The following CADM2 variants were observed in gnomAD, a reference collection of about 807,000 sequenced individuals.
CADM2 encodes immunoglobulin superfamily member 4D.
In CADM2, 12 loss-of-function variants were observed where a neutral mutation model predicts 49.8. The observed-to-expected ratio is 0.24, with a 90% confidence interval of 0.15 to 0.39. The LOEUF (loss-of-function observed/expected upper bound fraction) is 0.39, where lower values mean the gene tolerates loss of function less well. CADM2 is among the 10% of genes least tolerant of loss of function. The pLI is 1.00. For synonymous variants in CADM2, 214 were observed against 175.4 expected (o/e 1.22, Z -1.74); for missense variants, 378 against 492.3 (o/e 0.77, Z 2.20).
At chr3:85,705,865 A>AT (rs1403177154) in intron 1 of CADM2, among the ~76,000 whole-genome samples, 1 of 152,236 alleles carries the variant, frequency 6.6e-6, no homozygotes, top group East Asian at 1.9e-4. Context: ...ACCGTTTAAT[A>AT]TTTTTTGTAG....
intron 1 of CADM2, among the ~76,000 whole-genome samples, chr3:85,473,667 C>T (rs1464678639): frequency 6.6e-6 from 1 of 152,046 alleles, no homozygotes; most frequent in Non-Finnish European, 1.5e-5. Flanking sequence ...CAAATAACAG[C>T]AACTTCATTA....
intron 1 of CADM2, among the ~76,000 whole-genome samples, chr3:85,562,278 G>A (rs1431806257): frequency 6.6e-6 from 1 of 151,774 alleles, no homozygotes; most frequent in Admixed American, 6.6e-5. Flanking sequence ...TCGGGAGTTC[G>A]AGACCAGCCT....
At chr3:84,995,490 AT>A in intron 1 of CADM2, among the ~76,000 whole-genome samples, 1 of 152,328 alleles carries the variant, frequency 6.6e-6, no homozygotes, top group African/African-American at 2.4e-5. Flanking sequence ...AGAAGCTTTA[AT>A]TTGGATTTGA....
chr3:85,994,556 C>T (rs1019661746), intron 8 of CADM2: 1 of 152,216 alleles, frequency 6.6e-6, no homozygotes, highest in African/African-American at 2.4e-5. Context: ...TAGCTTTCAG[C>T]CTCTCGTGGC....
At chr3:85,259,002 T>C (rs1171663227) in intron 1 of CADM2, among the ~76,000 whole-genome samples, 1 of 152,158 alleles carries the variant, frequency 6.6e-6, no homozygotes, top group African/African-American at 2.4e-5. Flanking sequence ...GGAAACTTTC[T>C]ATTCAATGAG....
chr3:85,907,156 A>G (rs867337368), intron 5 of CADM2, among the ~76,000 whole-genome samples: 68 of 152,310 alleles, frequency 4.5e-4, no homozygotes, highest in African/African-American at 1.5e-3. Flanking sequence ...TCTGTTCTCT[A>G]TGAGATGAGG....
chr3:85,909,130 A>T (rs1487975235), intron 5 of CADM2, among the ~76,000 whole-genome samples: 2 of 152,086 alleles, frequency 1.3e-5, no homozygotes, highest in African/African-American at 4.8e-5. Flanking sequence ...ACCGCTTTTG[A>T]TGTAGAGCAT....
rs558347870 is a variant in CADM2, at chr3:85,166,641, A to G, written c.61+206973A>G. Among the ~76,000 whole-genome samples, 14 of 152,088 alleles carry G rather than the reference A, an allele frequency of 9.2e-5. No individual in the cohort carries two copies. In the South Asian group the frequency reaches 2.7e-3, roughly 29 times the overall value. Reference sequence around the variant, plus strand: ...GATTTGGAGAAAGTATTAAAAGACTATTTAGAAAGCTTAAATTCTTCTAAA... The same window carrying G: ...GATTTGGAGAAAGTATTAAAAGACTGTTTAGAAAGCTTAAATTCTTCTAAA... On this transcript the variant is annotated intron_variant, in intron 1 of 9. Transcript: ENST00000383699.
At chr3:85,654,719 T>C (rs1670723985) in intron 1 of CADM2, among the ~76,000 whole-genome samples, 1 of 152,208 alleles carries the variant, frequency 6.6e-6, no homozygotes, top group South Asian at 2.1e-4. Context: ...TCCCCATGCA[T>C]ATTTTTTGTC....
chr3:85,836,898 T>A (rs1035560169), intron 3 of CADM2, among the ~76,000 whole-genome samples: 3 of 151,628 alleles, frequency 2.0e-5, no homozygotes, highest in African/African-American at 4.8e-5. Context: ...ATAGTTCAGA[T>A]AACAGGCAAA....
chr3:85,425,625 T>A (rs902040986), intron 1 of CADM2, among the ~76,000 whole-genome samples: 1 of 152,210 alleles, frequency 6.6e-6, no homozygotes, highest in South Asian at 2.1e-4. Context: ...TAATTTTATA[T>A]CCATTAACTT....
chr3:85,068,328 C>T (rs2036595950), intron 1 of CADM2, among the ~76,000 whole-genome samples: 1 of 152,122 alleles, frequency 6.6e-6, no homozygotes, highest in South Asian at 2.1e-4. Flanking sequence ...GAAATGCACA[C>T]TGATGAAACT....
At chr3:85,594,444 G>A (rs2063189193) in intron 1 of CADM2, among the ~76,000 whole-genome samples, 1 of 151,762 alleles carries the variant, frequency 6.6e-6, no homozygotes, top group Admixed American at 6.6e-5. Flanking sequence ...ATGTTTTGGG[G>A]TGGAAAGAGC....
At chr3:85,251,045 G>T (rs1331016692) in intron 1 of CADM2, among the ~76,000 whole-genome samples, 1 of 151,396 alleles carries the variant, frequency 6.6e-6, no homozygotes, top group Non-Finnish European at 1.5e-5. Flanking sequence ...TTGAAGTTTT[G>T]GCATTTAATT....
intron 1 of CADM2, among the ~76,000 whole-genome samples, chr3:85,692,951 C>A (rs545558733): frequency 2.6e-5 from 4 of 152,020 alleles, no homozygotes; most frequent in Non-Finnish European, 1.5e-5. Flanking sequence ...AGAAGGAGGC[C>A]GGGCGGAGTG....
At chr3:85,982,989 G>A (rs914471705) in intron 8 of CADM2, among the ~76,000 whole-genome samples, 8 of 151,608 alleles carry the variant, frequency 5.3e-5, no homozygotes, top group African/African-American at 1.7e-4. Context: ...ATAAACTATA[G>A]CATTTATCTC....
Position 86,064,032 on chromosome 3 carries a change from A to G in CADM2, c.971-1573A>G, listed in dbSNP as rs181558086. Among the ~76,000 whole-genome samples the G allele has an allele frequency of 2.1e-3, 306 of 147,322 alleles. 1 individual carries two copies. Among genetic ancestry groups the G allele is most frequent in the African/African-American group, 6.8e-3 (271 of 40,052 alleles). ...GTCTGGGTATTCTTTTGACCTTTTC[A>G]CTTCTTTTTTTTTAATATATATATA... On this transcript the variant is annotated intron_variant, in intron 8 of 9. Coordinates refer to ENST00000383699, the MANE Select transcript of CADM2 (RefSeq NM_001167675.2).
intron 1 of CADM2, among the ~76,000 whole-genome samples, chr3:85,571,645 A>ACTTATTT (rs922878338): frequency 9.2e-5 from 14 of 152,152 alleles, no homozygotes; most frequent in African/African-American, 3.4e-4. Flanking sequence ...CTCTAAGCTA[A>ACTTATTT]ACTTATTTTT....
chr3:85,359,965 T>A (rs551270668), intron 1 of CADM2, among the ~76,000 whole-genome samples: 1 of 151,798 alleles, frequency 6.6e-6, no homozygotes, highest in Non-Finnish European at 1.5e-5. Context: ...GCATTCAAAA[T>A]CATTTTTTCC....
Sources: allele counts gnomAD v4.1 joint callset (sites outside exome capture counted in the v4.1 genomes callset), GRCh38; gene constraint gnomAD v4.1.1; transcripts MANE v1.5; gene names NCBI Gene and HGNC (gene_info 2026-07-23, HGNC 2026-07-21).